GATAD1: variants seen among roughly 807,000 people sequenced by gnomAD.
GATAD1 encodes the protein GATA zinc finger domain-containing protein 1.
Under a neutral mutation model 26.5 loss-of-function variants are expected in GATAD1, and 12 were observed. That is an observed-to-expected ratio of 0.45 (90% CI 0.29 to 0.73). The LOEUF is 0.73. GATAD1 is among the 30% of genes least tolerant of loss of function. The probability of loss-of-function intolerance (pLI) is 0.10; values close to 1 mark genes in which losing one functional copy is unlikely to be tolerated. For missense variants in GATAD1, 266 were observed against 342.1 expected (o/e 0.78, Z 1.75); for synonymous variants, 129 against 133.1 (o/e 0.97, Z 0.21).
At chr7:92,453,103 A>G (rs936803903) in intron 3 of GATAD1, among the ~76,000 whole-genome samples, 4 of 152,196 alleles carry the variant, frequency 2.6e-5, no homozygotes, top group Admixed American at 1.3e-4. Context: ...ACTTGGATAA[A>G]GGGTCCACCA....
chr7:92,467,423 C>T, the GATAD1 span, among the ~76,000 whole-genome samples: 10 of 152,212 alleles, frequency 6.6e-5, no homozygotes, highest in Non-Finnish European at 1.3e-4. Flanking sequence ...TTTCTTGCCT[C>T]ATTTTCAACA....
chr7:92,456,185 C>T (rs1032791810), intron 4 of GATAD1, among the ~76,000 whole-genome samples, 187 bp from the exon 5 acceptor site: 2 of 152,038 alleles, frequency 1.3e-5, no homozygotes, highest in Non-Finnish European at 2.9e-5. Flanking sequence ...TGGGAGAATG[C>T]CATATTCTTT....
At chr7:92,455,740 A>G (rs1251790765) in intron 4 of GATAD1, among the ~76,000 whole-genome samples, 1 of 152,234 alleles carries the variant, frequency 6.6e-6, no homozygotes, top group Non-Finnish European at 1.5e-5. Context: ...CTATATGTCA[A>G]GTTTGATACA....
the GATAD1 span, chr7:92,489,350 G>T: frequency 6.2e-7 from 1 of 1,612,096 alleles, no homozygotes; most frequent in Non-Finnish European, 8.5e-7. Context: ...GTGACCAAGT[G>T]CAGTCATTAA....
chr7:92,493,015 C>T, the GATAD1 span: 1 of 1,613,792 alleles, frequency 6.2e-7, no homozygotes, highest in South Asian at 1.1e-5. Context: ...TAAAGTAAAG[C>T]TTTCAGATCA....
intron 2 of GATAD1, chr7:92,449,500 AAC>A (rs1485000800): frequency 3.1e-6 from 3 of 976,908 alleles, no homozygotes; most frequent in Non-Finnish European, 3.6e-6. Context: ...ATAATGTTCA[AAC>A]ACAGTGGACA....
the GATAD1 span, chr7:92,487,582 C>A: frequency 3.4e-6 from 3 of 878,802 alleles, no homozygotes; most frequent in South Asian, 1.6e-5. Context: ...ATAAATACTA[C>A]CATTACAAAA....
chr7:92,487,642 C>T, the GATAD1 span: 54 of 516,976 alleles, frequency 1.0e-4, no homozygotes, highest in East Asian at 1.6e-4. Context: ...AAGAAATGAA[C>T]GGGAAATAAC....
At chr7:92,468,201 C>G in the GATAD1 span, among the ~76,000 whole-genome samples, 1 of 152,188 alleles carries the variant, frequency 6.6e-6, no homozygotes, top group African/African-American at 2.4e-5. Context: ...GGAACAATGG[C>G]AAGCCTTTAG....
the GATAD1 span, chr7:92,494,194 G>C: frequency 1.2e-6 from 1 of 866,254 alleles, no homozygotes; most frequent in East Asian, 2.6e-5. Context: ...AAGAAAGCTG[G>C]TCTTCTAAGG....
the GATAD1 span, among the ~76,000 whole-genome samples, chr7:92,476,304 T>TA: frequency 3.9e-5 from 6 of 152,236 alleles, no homozygotes; most frequent in African/African-American, 1.2e-4. Context: ...AGGTTTCCTC[T>TA]AAAAGTTACT....
rs558142084 is a variant in GATAD1 at position 92,459,345 on chromosome 7, T to C, written c.*2783T>C. On this transcript the variant is annotated 3_prime_UTR_variant, in exon 5 of 5. Coordinates refer to ENST00000287957, the MANE Select transcript of GATAD1 (RefSeq NM_021167.5). ...AAAACATTTATTAAAATGTAGACTT[T>C]TAAAAATCTATAAATTGATCATCTG... is the stretch of plus-strand genomic sequence containing the variant. The C allele has an allele frequency of 6.6e-6, 1 of 152,334 alleles. No homozygotes were observed. Among genetic ancestry groups the C allele is most frequent in the African/African-American group, 2.4e-5 (1 of 41,566 alleles). The allele number at this position is 152,334 out of a possible 1,614,324, so 9.4% of individuals were successfully genotyped here. A position where few individuals can be genotyped will look rare whatever the true frequency, so the allele number is the denominator to read the frequency against.
At chr7:92,472,462 C>T in the GATAD1 span, 2 of 152,236 alleles carry the variant, frequency 1.3e-5, no homozygotes, top group Admixed American at 6.5e-5. Flanking sequence ...AAGCTCATCC[C>T]TCGGATCTGT....
chr7:92,484,916 G>A, the GATAD1 span, among the ~76,000 whole-genome samples: 1 of 152,124 alleles, frequency 6.6e-6, no homozygotes, highest in African/African-American at 2.4e-5. Flanking sequence ...TTTCACCTGG[G>A]TGCAGGCGGG....
downstream of GATAD1, among the ~76,000 whole-genome samples, chr7:92,462,196 A>G (rs1789943720): frequency 6.6e-6 from 1 of 152,242 alleles, no homozygotes; most frequent in Non-Finnish European, 1.5e-5. Flanking sequence ...GTGAAAAACC[A>G]GAAACAATCT....
intron 4 of GATAD1, 38 bp from the exon 5 acceptor site, chr7:92,456,334 C>CA (rs1217781614): frequency 7.2e-7 from 1 of 1,385,462 alleles, no homozygotes; most frequent in African/African-American, 1.4e-5. Flanking sequence ...TATATATGGT[C>CA]AAAAATGTAT....
At chr7:92,453,120 A>G (rs1479342164) in intron 3 of GATAD1, among the ~76,000 whole-genome samples, 1 of 152,122 alleles carries the variant, frequency 6.6e-6, no homozygotes, top group African/African-American at 2.4e-5. Flanking sequence ...ACCAGGAAAA[A>G]ACTCCTGGCC....
At chr7:92,464,929 G>C (rs1305241660), downstream of GATAD1, among the ~76,000 whole-genome samples, 1 of 152,176 alleles carries the variant, frequency 6.6e-6, no homozygotes, top group Non-Finnish European at 1.5e-5. Context: ...AACATTTCTA[G>C]GCAAATAAAA....
intron 2 of GATAD1, chr7:92,449,678 T>C: frequency 1.1e-6 from 1 of 892,612 alleles, no homozygotes; most frequent in Non-Finnish European, 1.3e-6. Context: ...ATTTTCTTTT[T>C]TTTTTTTTAA....
Sources: gnomAD v4.1 joint callset for allele counts (sites outside exome capture counted in the v4.1 genomes callset) on GRCh38, gnomAD v4.1.1 for gene constraint, MANE v1.5 for transcripts, NCBI Gene and HGNC (gene_info 2026-07-23, HGNC 2026-07-21) for gene names.